Variants in P2RX4 observed in about 807,000 individuals in gnomAD.
P2RX4 encodes P2X purinoceptor 4.
Under a neutral mutation model 48.0 loss-of-function variants are expected in P2RX4, and 37 were observed. The observed-to-expected ratio is 0.77, with a 90% confidence interval of 0.59 to 1.01. The LOEUF (loss-of-function observed/expected upper bound fraction) is 1.01. P2RX4 is among the 50% of genes least tolerant of loss of function. The pLI is 0.00. For synonymous variants in P2RX4, 200 were observed against 199.7 expected, an observed-to-expected ratio of 1.00 and a Z score of -0.01; for missense variants, 501 against 521.4, an observed-to-expected ratio of 0.96 and a Z score of 0.38.
intron 8 of P2RX4, among the ~76,000 whole-genome samples, chr12:121,231,144 C>T (rs913824465): frequency 4.6e-5 from 7 of 151,972 alleles, no homozygotes; most frequent in African/African-American, 1.7e-4. Flanking sequence ...CCCGCCACCA[C>T]ACCCAGCTAA....
chr12:121,229,070 G>A lies in P2RX4; in HGVS notation c.855G>A (p.Glu285=). 1.9e-6 allele frequency: 3 copies of A among 1,614,156 alleles called. No individual in the cohort carries two copies. Among genetic ancestry groups the A allele is most frequent in the Non-Finnish European group, 2.5e-6 (3 of 1,180,026 alleles). ...GCCGCCTCGATACACGGGACGTTGA[G>A]CACAACGTATCTCCTGGCTACAATT... ...SFRRLDTRDV[E]HNVSPGYNFR... is the part of the protein sequence containing the mutation. Residue 285 remains glutamate (E), a synonymous_variant, in exon 8 of 12, where the codon GAG becomes GAA. Coordinates refer to ENST00000337233, the MANE Select transcript of P2RX4 (RefSeq NM_002560.3). The surrounding 1 kb of genome is among the most constrained non-coding windows in gnomAD (Gnocchi z 4.6).
chr12:121,212,244 G>A (rs950800896), intron 1 of P2RX4, among the ~76,000 whole-genome samples: 1 of 152,078 alleles, frequency 6.6e-6, no homozygotes, highest in Non-Finnish European at 1.5e-5. Context: ...TATTCAAGAG[G>A]ATGGCTTTCC....
In P2RX4 at chr12:121,232,264, C is replaced by A. The variant is rs1887413337; in HGVS notation, c.885-150C>A. The A allele has an allele frequency of 3.2e-6, 2 of 632,394 alleles. No homozygotes were observed. Among genetic ancestry groups the A allele is most frequent in the African/African-American group, 1.8e-5 (1 of 54,886 alleles). The allele number at this position is 632,394 out of a possible 1,614,324, so 39.2% of individuals were successfully genotyped here. ...GCATCCTCCTGCTTGCACAGCCCGCCTCAGCCAGGAGAGGCCCCGAGCCGC... is the reference window on the plus strand; with the variant it reads ...GCATCCTCCTGCTTGCACAGCCCGCATCAGCCAGGAGAGGCCCCGAGCCGC... On this transcript the variant is annotated intron_variant, in intron 8 of 11. Transcript: ENST00000337233. The surrounding 1 kb of genome is among the most constrained non-coding windows in gnomAD (Gnocchi z 4.3).
chr12:121,228,425 C>CAG, intron 5 of P2RX4, 108 bp from the exon 6 acceptor site: 1 of 445,040 alleles, frequency 2.2e-6, no homozygotes, highest in Non-Finnish European at 4.0e-6. Flanking sequence ...CACACACAGA[C>CAG]ACACACACAC....
At chr12:121,233,377 G>T in intron 11 of P2RX4, 146 bp from the exon 12 acceptor site, 1 of 789,590 alleles carries the variant, frequency 1.3e-6, no homozygotes, top group Non-Finnish European at 2.2e-6. Flanking sequence ...CTACTTCAGT[G>T]CACCTTGCGG....
chr12:121,233,581 C>A lies in P2RX4; in HGVS notation c.*32C>A. On this transcript the variant is annotated 3_prime_UTR_variant, in exon 12 of 12. Transcript: ENST00000337233. ...CCCCACACCTGGGCTCTCCACAGCC[C>A]CATCAAAGAACAGAGAGGAGGAGGA... is the stretch of plus-strand genomic sequence containing the variant. 1 of 1,603,622 alleles carries A rather than the reference C, an allele frequency of 6.2e-7. No individual in the cohort carries two copies. The highest frequency in any genetic ancestry group is 1.1e-5 in the South Asian group (1 of 89,378).
At chr12:121,219,793 G>T (rs937385192) in intron 2 of P2RX4, among the ~76,000 whole-genome samples, 2 of 151,838 alleles carry the variant, frequency 1.3e-5, no homozygotes, top group African/African-American at 2.4e-5. Context: ...ATAGATAATC[G>T]ATAAATAGAA....
intron 11 of P2RX4, 109 bp downstream of exon 11, chr12:121,233,201 G>A: frequency 2.6e-6 from 2 of 762,734 alleles, no homozygotes; most frequent in East Asian, 2.5e-5. Flanking sequence ...TGGCACCAGT[G>A]TGGCGTGGTG....
At chr12:121,224,616 TA>T (rs1281862711) in intron 5 of P2RX4, among the ~76,000 whole-genome samples, 1 of 151,310 alleles carries the variant, frequency 6.6e-6, no homozygotes, top group East Asian at 1.9e-4. Context: ...AATAAAAATT[TA>T]AAAAAATAAA....
At position 121,228,997 on chromosome 12, in the gene P2RX4, G is replaced by A. The variant is rs1242397068; in HGVS notation, c.782G>A (p.Cys261Tyr). The change falls in exon 8 of 12, where the codon TGC (cysteine) becomes TAC (tyrosine). Residue 261 changes from cysteine to tyrosine, a missense_variant. By Grantham distance (194) the Cys-to-Tyr change is radical. Around this residue, in one of 3 missense-constraint regions of P2RX4, gnomAD observed 197 missense variants for 219.5 expected, o/e 0.90. Transcript: ENST00000337233. ...GIMGIQVNWDCNLDRAASLCL... is the reference protein window; with the variant it reads ...GIMGIQVNWDYNLDRAASLCL... ...ATGGGCATCCAGGTCAACTGGGACT[G>A]CAACCTGGACAGAGCCGCCTCCCTC... The A allele has an allele frequency of 1.9e-6, 3 of 1,614,060 alleles. No individual in the cohort carries two copies. The highest frequency in any genetic ancestry group is 2.5e-6 in the Non-Finnish European group (3 of 1,180,028).
At chr12:121,213,747 A>G (rs569560320) in intron 1 of P2RX4, 1 of 152,234 alleles carries the variant, frequency 6.6e-6, no homozygotes, top group African/African-American at 2.4e-5. Flanking sequence ...CATCTCTACA[A>G]TCATGAGGTT....
At chr12:121,216,726 A>G (rs904139908) in intron 1 of P2RX4, 7 of 467,900 alleles carry the variant, frequency 1.5e-5, no homozygotes, top group African/African-American at 1.2e-4. Flanking sequence ...AAGCTGAGGC[A>G]GGAGAATTGC....
At chr12:121,216,993 C>A (rs766902232) in intron 1 of P2RX4, 141 bp from the exon 2 acceptor site, 23 of 847,036 alleles carry the variant, frequency 2.7e-5, no homozygotes, top group African/African-American at 5.0e-5. Context: ...GAAATGGAGT[C>A]CCCTAGAAGG....
intron 5 of P2RX4, among the ~76,000 whole-genome samples, chr12:121,226,364 T>G (rs1303903613): frequency 6.6e-6 from 1 of 151,626 alleles, no homozygotes; most frequent in Non-Finnish European, 1.5e-5. Context: ...GCCAACATGG[T>G]GAAACCCCCT....
chr12:121,213,548 C>A (rs1470817733), intron 1 of P2RX4: 1 of 152,034 alleles, frequency 6.6e-6, no homozygotes, highest in African/African-American at 2.4e-5. Flanking sequence ...TCTCTTTTTT[C>A]TTTTTTTCTT....
chr12:121,233,125 C>A, intron 11 of P2RX4, 33 bp downstream of exon 11: 2 of 1,453,150 alleles, frequency 1.4e-6, no homozygotes, highest in Non-Finnish European at 1.9e-6. Context: ...CAGGCACAGG[C>A]CTCTCATCTC....
intron 5 of P2RX4, among the ~76,000 whole-genome samples, chr12:121,228,004 A>G (rs908829542): frequency 6.6e-6 from 1 of 151,604 alleles, no homozygotes; most frequent in Admixed American, 6.6e-5. Flanking sequence ...CTGAGGTGGG[A>G]GAACCCCCTG....
At chr12:121,212,029 G>C (rs1212407999) in intron 1 of P2RX4, among the ~76,000 whole-genome samples, 1 of 152,200 alleles carries the variant, frequency 6.6e-6, no homozygotes, top group Non-Finnish European at 1.5e-5. Flanking sequence ...CTGCCCAGGT[G>C]ATTCTCATGT....
rs189821382 is a variant in P2RX4, at chr12:121,221,293, C to T, written c.283-620C>T. 2.2e-3 allele frequency among the ~76,000 whole-genome samples: 340 copies of T among 152,124 alleles called. 1 individual carries two copies. The highest frequency in any genetic ancestry group is 4.7e-3 in the Admixed American group (72 of 15,268). The stretch of plus-strand genomic sequence containing the variant: ...TCAGCCTCCCAAAGTGCTGGAATTA[C>T]AGGTGTGAGCCACCATGCCTGGACC... On this transcript the variant is annotated intron_variant, in intron 2 of 11. Coordinates refer to ENST00000337233, the MANE Select transcript of P2RX4 (RefSeq NM_002560.3).
Sources: allele counts gnomAD v4.1 joint callset (sites outside exome capture counted in the v4.1 genomes callset), GRCh38; gene constraint gnomAD v4.1.1; regional missense constraint gnomAD v4.1.1; non-coding constraint Gnocchi (gnomAD v3.1); transcripts MANE v1.5; gene names NCBI Gene and HGNC (gene_info 2026-07-23, HGNC 2026-07-21).